Variants in PPP6R3 observed in about 807,000 individuals in gnomAD.
PPP6R3 encodes the protein serine/threonine-protein phosphatase 6 regulatory subunit 3.
In PPP6R3, 38 loss-of-function variants were observed where a neutral mutation model predicts 110.7. The ratio of observed to expected loss-of-function variants is 0.34; its 90% CI spans 0.26 to 0.45. The LOEUF (loss-of-function observed/expected upper bound fraction) is 0.45, where lower values mean the gene tolerates loss of function less well. Ranked by LOEUF, PPP6R3 falls within the 20% of genes least tolerant of loss-of-function variation. PPP6R3 has a pLI of 1.00. For synonymous variants in PPP6R3, 369 were observed against 373.5 expected (o/e 0.99, Z 0.14); for missense variants, 870 against 1,062.4 (o/e 0.82, Z 2.52).
In PPP6R3 at chr11:68,610,020, A is replaced by T; in HGVS notation, c.2567A>T (p.Gln856Leu). 7 of 1,613,682 alleles carry T rather than the reference A, an allele frequency of 4.3e-6. No homozygotes were observed. The highest frequency in any genetic ancestry group is 5.9e-6 in the Non-Finnish European group (7 of 1,179,966). ...APRPPSSSPE[Q>L]RTGQPSAPGD... The stretch of plus-strand genomic sequence containing the variant: ...AGGCCTCCCAGCAGCAGTCCCGAGC[A>T]GAGGTAACCACCCGCCTCCTCAAAC... The change falls in exon 23 of 24, where the codon CAG becomes CTG. Residue 856 changes from glutamine (Q) to leucine (L), a missense_variant. Physicochemically the swap from Gln to Leu is moderately radical, Grantham distance 113. Transcript: ENST00000393800.
chr11:68,573,521 CTGTT>C (rs1201135893), intron 12 of PPP6R3, among the ~76,000 whole-genome samples: 1 of 152,054 alleles, frequency 6.6e-6, no homozygotes, highest in African/African-American at 2.4e-5. Context: ...AGGACAAAGA[CTGTT>C]TGTTTGCATG....
intron 1 of PPP6R3, among the ~76,000 whole-genome samples, chr11:68,504,095 T>C (rs1219666545): frequency 2.0e-5 from 3 of 152,250 alleles, no homozygotes; most frequent in Non-Finnish European, 4.4e-5. Flanking sequence ...AATACTGGCA[T>C]ATTTTGTAAT....
At chr11:68,466,756 G>A (rs1266538316) in intron 1 of PPP6R3, among the ~76,000 whole-genome samples, 1 of 152,238 alleles carries the variant, frequency 6.6e-6, no homozygotes, top group African/African-American at 2.4e-5. Context: ...GGGACTACAG[G>A]TGCCTGCCAC....
chr11:68,517,817 A>C (rs1322838329), intron 1 of PPP6R3, among the ~76,000 whole-genome samples: 5 of 152,086 alleles, frequency 3.3e-5, no homozygotes, highest in Non-Finnish European at 4.4e-5. Context: ...GGTTGCTTCT[A>C]ATCCCAGCTA....
chr11:68,525,462 T>C (rs7936582), intron 2 of PPP6R3, among the ~76,000 whole-genome samples: 59,451 of 152,030 alleles, frequency 0.39, 12,255 homozygotes, highest in African/African-American at 0.5. Flanking sequence ...TCTACTTTAA[T>C]TTTTCTTGCA....
intron 14 of PPP6R3, among the ~76,000 whole-genome samples, chr11:68,576,501 C>T (rs1380339617): frequency 1.3e-5 from 2 of 152,186 alleles, no homozygotes; most frequent in African/African-American, 4.8e-5. Context: ...TTGTAGATGA[C>T]TTTGAAACCC....
In PPP6R3 at chr11:68,590,854, C is replaced by G; in HGVS notation, c.1785+140C>G. The G allele has an allele frequency of 4.9e-6, 5 of 1,016,886 alleles. No individual in the cohort carries two copies. The South Asian group carries it at 1.8e-4, about 36-fold the overall frequency. 63.0% of individuals were successfully genotyped at this position (1,016,886 alleles called of 1,614,324 possible). A position where few individuals can be genotyped will look rare whatever the true frequency, so the allele number is the denominator to read the frequency against. On this transcript the variant is annotated intron_variant, in intron 17 of 23. Transcript: ENST00000393800. ...TTGGTGTTACATACTTCACTCTGTC[C>G]CACGGCCTACCTGGCACCCGTGGGC... is the stretch of plus-strand genomic sequence containing the variant.
intron 18 of PPP6R3, among the ~76,000 whole-genome samples, chr11:68,594,382 C>T (rs547546983): frequency 6.7e-6 from 1 of 150,092 alleles, no homozygotes; most frequent in East Asian, 1.9e-4. Flanking sequence ...TATGACTGGG[C>T]ATGGTGGCTC....
chr11:68,534,277 A>G (rs1477327410), intron 2 of PPP6R3, among the ~76,000 whole-genome samples: 1 of 152,196 alleles, frequency 6.6e-6, no homozygotes, highest in Non-Finnish European at 1.5e-5. Flanking sequence ...TGTGGAACAA[A>G]GGACACTACA....
chr11:68,534,090 T>G (rs959178442), intron 2 of PPP6R3, among the ~76,000 whole-genome samples: 53 of 152,306 alleles, frequency 3.5e-4, no homozygotes, highest in African/African-American at 1.3e-3. Flanking sequence ...CCTGGCACAA[T>G]GGAGGAAACT....
chr11:68,460,982 G>T (rs527323158), intron 1 of PPP6R3, among the ~76,000 whole-genome samples, 155 bp downstream of exon 1: 2 of 151,782 alleles, frequency 1.3e-5, no homozygotes, highest in East Asian at 3.9e-4. Context: ...CGCTCCGCGG[G>T]CCCGGGAGGC....
At position 68,613,588 on chromosome 11, in the gene PPP6R3, T is replaced by G; in HGVS notation, c.*471T>G. 2.0e-6 allele frequency: 2 copies of G among 986,080 alleles called. No homozygotes were observed. Among genetic ancestry groups the G allele is most frequent in the Non-Finnish European group, 2.4e-6 (2 of 830,160 alleles). The allele number at this position is 986,080 out of a possible 1,614,324, so 61.1% of individuals were successfully genotyped here. Reference sequence around the variant, plus strand: ...TTTCCTCCAGGCCGACAAGGAGTTGTAGAATGAAAATGCCCTCTAAGTGTT... The same window carrying G: ...TTTCCTCCAGGCCGACAAGGAGTTGGAGAATGAAAATGCCCTCTAAGTGTT... On this transcript the variant is annotated 3_prime_UTR_variant, in exon 24 of 24. Coordinates refer to ENST00000393800, the MANE Select transcript of PPP6R3 (RefSeq NM_001164161.2).
chr11:68,573,307 C>T (rs1008287353), intron 12 of PPP6R3, among the ~76,000 whole-genome samples: 2 of 151,164 alleles, frequency 1.3e-5, no homozygotes, highest in Non-Finnish European at 2.9e-5. Flanking sequence ...TGCACCACCA[C>T]GCCTGGCTAA....
intron 5 of PPP6R3, among the ~76,000 whole-genome samples, chr11:68,550,776 C>T (rs550852401): frequency 2.0e-5 from 3 of 152,290 alleles, no homozygotes; most frequent in Non-Finnish European, 4.4e-5. Context: ...GTATAAATTC[C>T]ATCCTTCTTA....
At chr11:68,461,179 C>A (rs1019422900) in intron 1 of PPP6R3, among the ~76,000 whole-genome samples, 1 of 151,044 alleles carries the variant, frequency 6.6e-6, no homozygotes. Flanking sequence ...TTCCCGCCCG[C>A]CGGCCGCGGC....
At chr11:68,606,370 C>G (rs1025754359) in intron 22 of PPP6R3, among the ~76,000 whole-genome samples, 8 of 145,504 alleles carry the variant, frequency 5.5e-5, no homozygotes, top group African/African-American at 2.1e-4. Context: ...GATCTCGGCT[C>G]ACTGCAATCT....
chr11:68,493,111 A>G (rs985306330), intron 1 of PPP6R3, among the ~76,000 whole-genome samples: 4 of 151,988 alleles, frequency 2.6e-5, no homozygotes, highest in Non-Finnish European at 4.4e-5. Context: ...GGGCATTTCC[A>G]CTTGTGCTCA....
chr11:68,461,495 G>A (rs893226691), intron 1 of PPP6R3, among the ~76,000 whole-genome samples: 1 of 84,886 alleles, frequency 1.2e-5, no homozygotes, highest in African/African-American at 4.5e-5. Context: ...AGCCGGGGGT[G>A]GGGGGGGTGG....
intron 13 of PPP6R3, among the ~76,000 whole-genome samples, chr11:68,574,804 T>G (rs1347980540): frequency 5.3e-5 from 8 of 152,244 alleles, no homozygotes; most frequent in Admixed American, 5.2e-4. Flanking sequence ...GCCATGAGCC[T>G]TCTTCTAAAA....
Sources: gnomAD v4.1 joint callset for allele counts (sites outside exome capture counted in the v4.1 genomes callset) on GRCh38, gnomAD v4.1.1 for gene constraint, MANE v1.5 for transcripts, NCBI Gene and HGNC (gene_info 2026-07-23, HGNC 2026-07-21) for gene names.